STPG2: variants seen among roughly 807,000 people sequenced by gnomAD.
STPG2 encodes sperm-tail PG-rich repeat-containing protein 2.
Under a neutral mutation model 54.2 loss-of-function variants are expected in STPG2, and 56 were observed. The ratio of observed to expected loss-of-function variants is 1.03; its 90% CI spans 0.83 to 1.29. The LOEUF (loss-of-function observed/expected upper bound fraction) is 1.29. STPG2 is among the 50% of genes most tolerant of loss of function. STPG2 has a pLI of 0.00. For missense variants in STPG2, 596 were observed against 544.9 expected, an observed-to-expected ratio of 1.09 and a Z score of -0.93; for synonymous variants, 200 against 181.8, an observed-to-expected ratio of 1.10 and a Z score of -0.81.
At chr4:97,734,968 G>T (rs1483998175) in intron 9 of STPG2, among the ~76,000 whole-genome samples, 3 of 151,868 alleles carry the variant, frequency 2.0e-5, no homozygotes, top group Non-Finnish European at 4.4e-5. Flanking sequence ...AGTTACTCAG[G>T]AGGCTGAGGC....
intron 5 of STPG2, among the ~76,000 whole-genome samples, chr4:98,096,943 C>T (rs1321470726): frequency 6.6e-6 from 1 of 152,140 alleles, no homozygotes; most frequent in East Asian, 1.9e-4. Context: ...AATCCAAAAC[C>T]TGAACAGAAC....
At chr4:97,507,061 T>C (rs1371331101) in intron 4 of STPG2, among the ~76,000 whole-genome samples, 3 of 151,878 alleles carry the variant, frequency 2.0e-5, no homozygotes, top group Non-Finnish European at 4.4e-5. Flanking sequence ...TGTGGTAGCA[T>C]GTGCCTATCA....
chr4:98,063,530 G>A (rs1011501058), intron 5 of STPG2, among the ~76,000 whole-genome samples: 1 of 151,806 alleles, frequency 6.6e-6, no homozygotes, highest in Non-Finnish European at 1.5e-5. Context: ...ATACAATGTA[G>A]CCAAAACTAT....
intron 8 of STPG2, among the ~76,000 whole-genome samples, chr4:97,877,510 C>T (rs1489119400): frequency 6.6e-6 from 1 of 152,058 alleles, no homozygotes; most frequent in Admixed American, 6.6e-5. Flanking sequence ...TGGTGAAAGG[C>T]AAAGGCATGT....
chr4:98,009,306 CTTT>C, intron 5 of STPG2, among the ~76,000 whole-genome samples: 1 of 151,706 alleles, frequency 6.6e-6, no homozygotes, highest in East Asian at 1.9e-4. Context: ...CTCAAGATAT[CTTT>C]TTATTTCCCT....
intron 10 of STPG2, among the ~76,000 whole-genome samples, chr4:97,662,265 A>C (rs1210550764): frequency 6.6e-6 from 1 of 152,130 alleles, no homozygotes; most frequent in Non-Finnish European, 1.5e-5. Context: ...GCAGCCAACA[A>C]ACATGAAAAA....
chr4:97,548,331 T>C (rs191080858), intron 4 of STPG2, among the ~76,000 whole-genome samples: 80 of 152,264 alleles, frequency 5.3e-4, no homozygotes, highest in Non-Finnish European at 9.6e-4. Flanking sequence ...CTGAGTGTGC[T>C]ACTGATGTCA....
intron 4 of STPG2, among the ~76,000 whole-genome samples, chr4:97,460,245 C>T (rs1729629453): frequency 6.6e-6 from 1 of 151,998 alleles, no homozygotes; most frequent in Non-Finnish European, 1.5e-5. Flanking sequence ...CAATATTGTT[C>T]CTCAGACCTG....
chr4:97,891,618 C>T (rs1479313209), intron 8 of STPG2, among the ~76,000 whole-genome samples: 5 of 151,684 alleles, frequency 3.3e-5, no homozygotes, highest in Non-Finnish European at 2.9e-5. Context: ...TCTTTCAGTC[C>T]TATCTGAAAG....
At chr4:97,973,000 G>A (rs1472110337) in intron 6 of STPG2, among the ~76,000 whole-genome samples, 4 of 152,126 alleles carry the variant, frequency 2.6e-5, no homozygotes, top group Non-Finnish European at 2.9e-5. Flanking sequence ...ACAGTAAATC[G>A]GTACCAGTAA....
At chr4:97,687,876 G>A (rs1394581247) in intron 10 of STPG2, among the ~76,000 whole-genome samples, 4 of 152,022 alleles carry the variant, frequency 2.6e-5, no homozygotes, top group Admixed American at 6.6e-5. Context: ...TCTTCTGCAT[G>A]CCATGGATGT....
At chr4:98,086,206 G>C (rs1362298393) in intron 5 of STPG2, among the ~76,000 whole-genome samples, 1 of 152,020 alleles carries the variant, frequency 6.6e-6, no homozygotes, top group African/African-American at 2.4e-5. Flanking sequence ...ATTTGCACTG[G>C]TTGAAATTAA....
At chr4:97,464,865 T>C (rs930488843) in intron 4 of STPG2, among the ~76,000 whole-genome samples, 1 of 152,200 alleles carries the variant, frequency 6.6e-6, no homozygotes, top group Non-Finnish European at 1.5e-5. Flanking sequence ...CACTCAATTA[T>C]AGTACTCAAC....
At chr4:97,531,579 T>C (rs1731414939) in intron 4 of STPG2, among the ~76,000 whole-genome samples, 1 of 152,118 alleles carries the variant, frequency 6.6e-6, no homozygotes, top group African/African-American at 2.4e-5. Flanking sequence ...GAAATGGAGG[T>C]CATTATGTTA....
At chr4:97,953,859 G>C (rs547557300) in intron 7 of STPG2, among the ~76,000 whole-genome samples, 4 of 152,240 alleles carry the variant, frequency 2.6e-5, no homozygotes, top group African/African-American at 9.6e-5. Flanking sequence ...TTCCTGTTAA[G>C]TTCCTGCATT....
intron 7 of STPG2, among the ~76,000 whole-genome samples, chr4:97,951,036 C>A (rs769015778): frequency 6.6e-6 from 1 of 152,152 alleles, no homozygotes; most frequent in Non-Finnish European, 1.5e-5. Context: ...CAGCTGGCAC[C>A]ATCCAGATCA....
chr4:97,650,065 T>C (rs1722020925), intron 10 of STPG2, among the ~76,000 whole-genome samples: 1 of 152,084 alleles, frequency 6.6e-6, no homozygotes, highest in African/African-American at 2.4e-5. Flanking sequence ...ATCCCTCACA[T>C]GCACAGTTCA....
intron 10 of STPG2, among the ~76,000 whole-genome samples, chr4:97,695,323 C>T (rs1723534548): frequency 6.6e-6 from 1 of 152,050 alleles, no homozygotes; most frequent in South Asian, 2.1e-4. Flanking sequence ...TCAGCAAAAT[C>T]AGCATAGAAG....
chr4:97,859,040 C>T (rs549095264), intron 8 of STPG2, among the ~76,000 whole-genome samples: 15 of 152,270 alleles, frequency 9.9e-5, no homozygotes, highest in African/African-American at 3.6e-4. Context: ...TCCTTTTCAC[C>T]ACATCCATGC....
Sources: gnomAD v4.1 joint callset for allele counts (sites outside exome capture counted in the v4.1 genomes callset) on GRCh38, gnomAD v4.1.1 for gene constraint, MANE v1.5 for transcripts, NCBI Gene and HGNC (gene_info 2026-07-23, HGNC 2026-07-21) for gene names.